Variants in KALRN observed in about 807,000 individuals in gnomAD.
KALRN encodes kalirin RhoGEF kinase, also known as kalirin.
A neutral mutation model predicts 353.7 loss-of-function variants in KALRN; 70 were observed. That is an observed-to-expected ratio of 0.20 (90% CI 0.16 to 0.24). KALRN has a LOEUF of 0.24. KALRN is among the 10% of genes least tolerant of loss of function. The probability of loss-of-function intolerance (pLI) is 1.00; values close to 1 mark genes in which losing one functional copy is unlikely to be tolerated. For missense variants in KALRN, 2,791 were observed against 3,756.7 expected, an observed-to-expected ratio of 0.74 and a Z score of 6.72; for synonymous variants, 1,391 against 1,434.8, an observed-to-expected ratio of 0.97 and a Z score of 0.69.
rs139167540 is a variant in KALRN at position 124,416,178 on chromosome 3, G to T, written c.2542+2513G>T. ...TCATCTCTCATGGTAGATGTGTCCA[G>T]CAGGAAAAGGAGGCTTGTCTGCCTG... On this transcript the variant is annotated intron_variant, in intron 14 of 59. Coordinates refer to ENST00000682506, the MANE Select transcript of KALRN (RefSeq NM_001388419.1). 2.5e-3 allele frequency among the ~76,000 whole-genome samples: 379 copies of T among 152,316 alleles called. 3 individuals carry two copies. Among genetic ancestry groups the T allele is most frequent in the Middle Eastern group, 6.8e-3 (2 of 294 alleles).
At chr3:124,675,625 C>T (rs541520336) in intron 49 of KALRN, among the ~76,000 whole-genome samples, 30 of 151,266 alleles carry the variant, frequency 2.0e-4, no homozygotes, top group African/African-American at 6.3e-4. Flanking sequence ...AGTTCTGACC[C>T]GGGCCTTCCC....
intron 33 of KALRN, among the ~76,000 whole-genome samples, chr3:124,497,008 G>T (rs2063928414): frequency 6.6e-6 from 1 of 152,200 alleles, no homozygotes; most frequent in South Asian, 2.1e-4. Context: ...TATACGAAGG[G>T]TGTAGTTGTT....
intron 33 of KALRN, among the ~76,000 whole-genome samples, chr3:124,505,778 T>C (rs1436915072): frequency 6.6e-6 from 1 of 152,240 alleles, no homozygotes; most frequent in Non-Finnish European, 1.5e-5. Flanking sequence ...CTTTACCGTA[T>C]GTGCTGTGGT....
intron 1 of KALRN, chr3:124,082,422 C>T (rs2060590511): frequency 2.5e-6 from 1 of 393,180 alleles, no homozygotes; most frequent in Non-Finnish European, 5.2e-6. Flanking sequence ...AATTCTTCTC[C>T]AGAATCCCAC....
At chr3:124,535,894 C>T (rs2068465592) in intron 33 of KALRN, among the ~76,000 whole-genome samples, 1 of 152,130 alleles carries the variant, frequency 6.6e-6, no homozygotes, top group Non-Finnish European at 1.5e-5. Flanking sequence ...CTTCACCATT[C>T]CCAGGGTTTA....
chr3:124,083,113 A>G (rs1451314538), intron 1 of KALRN, among the ~76,000 whole-genome samples: 1 of 152,218 alleles, frequency 6.6e-6, no homozygotes, highest in Non-Finnish European at 1.5e-5. Flanking sequence ...TTCCAGGTAT[A>G]GTCTAGGGTG....
chr3:124,511,106 A>G (rs1400187812), intron 33 of KALRN, among the ~76,000 whole-genome samples: 4 of 151,758 alleles, frequency 2.6e-5, no homozygotes, highest in Non-Finnish European at 4.4e-5. Flanking sequence ...AGCCACCTAC[A>G]CTAATATTGC....
intron 34 of KALRN, among the ~76,000 whole-genome samples, chr3:124,571,825 G>A (rs1290286271): frequency 4.6e-5 from 7 of 151,130 alleles, no homozygotes; most frequent in South Asian, 2.1e-4. Flanking sequence ...ATGAGGTTTC[G>A]CCATGTTGCC....
chr3:124,057,821 T>C (rs1422434188), intron 1 of KALRN, among the ~76,000 whole-genome samples: 1 of 152,148 alleles, frequency 6.6e-6, no homozygotes, highest in African/African-American at 2.4e-5. Flanking sequence ...CCAGGTTTAT[T>C]CCCTAAGCCT....
intron 1 of KALRN, among the ~76,000 whole-genome samples, chr3:124,157,858 C>G (rs1157094760): frequency 6.6e-6 from 1 of 152,202 alleles, no homozygotes; most frequent in East Asian, 1.9e-4. Flanking sequence ...ACCTCTGCCC[C>G]TTTCCCCTGC....
chr3:124,511,289 G>A (rs967001731), intron 33 of KALRN, among the ~76,000 whole-genome samples: 3 of 152,128 alleles, frequency 2.0e-5, no homozygotes, highest in South Asian at 2.1e-4. Context: ...ATCCAGCACC[G>A]TATTTCCAAC....
intron 45 of KALRN, among the ~76,000 whole-genome samples, chr3:124,663,174 C>T (rs1369680319): frequency 2.0e-5 from 3 of 152,082 alleles, no homozygotes; most frequent in Admixed American, 6.6e-5. Flanking sequence ...CTCGAACTCC[C>T]GACCTCAGGT....
chr3:124,237,076 G>A (rs942984927), intron 3 of KALRN, among the ~76,000 whole-genome samples: 7 of 152,216 alleles, frequency 4.6e-5, no homozygotes, highest in Non-Finnish European at 1.0e-4. Context: ...CACACATAAT[G>A]GCTGTTGGAT....
At chr3:124,668,631 G>A (rs1367673466) in intron 47 of KALRN, among the ~76,000 whole-genome samples, 1 of 152,042 alleles carries the variant, frequency 6.6e-6, no homozygotes, top group Non-Finnish European at 1.5e-5. Context: ...AGTATTTTTG[G>A]GCCAGGCTCC....
chr3:124,381,714 G>A (rs892250934), intron 10 of KALRN, among the ~76,000 whole-genome samples: 1 of 152,128 alleles, frequency 6.6e-6, no homozygotes, highest in African/African-American at 2.4e-5. Context: ...ACTCATTTGT[G>A]TCTTGTTTGT....
At chr3:124,682,423 G>A (rs1275816565) in intron 51 of KALRN, among the ~76,000 whole-genome samples, 1 of 152,166 alleles carries the variant, frequency 6.6e-6, no homozygotes, top group Non-Finnish European at 1.5e-5. Flanking sequence ...GACATAATGG[G>A]ACCATGCACC....
intron 2 of KALRN, among the ~76,000 whole-genome samples, chr3:124,229,565 C>G (rs771353971): frequency 2.0e-5 from 3 of 152,230 alleles, no homozygotes; most frequent in Non-Finnish European, 4.4e-5. Context: ...GTTCATGCCA[C>G]AGGCACTGTT....
chr3:124,120,744 A>ATATATT (rs1491323555), intron 1 of KALRN, among the ~76,000 whole-genome samples: 7 of 138,020 alleles, frequency 5.1e-5, no homozygotes, highest in African/African-American at 1.9e-4. Flanking sequence ...ATATATATAT[A>ATATATT]TTTTCACATA....
At chr3:124,274,669 C>A (rs2074509852) in intron 5 of KALRN, among the ~76,000 whole-genome samples, 1 of 152,168 alleles carries the variant, frequency 6.6e-6, no homozygotes, top group Non-Finnish European at 1.5e-5. Context: ...GGGAAACACC[C>A]AAGACAATAT....
Sources: allele counts gnomAD v4.1 joint callset (sites outside exome capture counted in the v4.1 genomes callset), GRCh38; gene constraint gnomAD v4.1.1; transcripts MANE v1.5; gene names NCBI Gene and HGNC (gene_info 2026-07-23, HGNC 2026-07-21).